IL1RAPL1: variants seen among roughly 807,000 people sequenced by gnomAD.
IL1RAPL1 encodes interleukin-1 receptor accessory protein-like 1.
IL1RAPL1 carries 3 observed loss-of-function variants against 48.4 expected under a neutral mutation model. The observed-to-expected ratio is 0.06, with a 90% confidence interval of 0.03 to 0.16. The LOEUF is 0.16. Ranked by LOEUF, IL1RAPL1 falls within the 10% of genes least tolerant of loss-of-function variation. IL1RAPL1 has a pLI of 1.00. For synonymous variants in IL1RAPL1, 185 were observed against 187.7 expected (o/e 0.99, Z 0.12); for missense variants, 349 against 530.6 (o/e 0.66, Z 3.36).
intron 1 of IL1RAPL1, among the ~76,000 whole-genome samples, chrX:28,741,943 A>C (rs1040693804): frequency 2.9e-4 from 32 of 111,604 alleles, no homozygotes; most frequent in African/African-American, 1.0e-3. Context: ...CTTCTTAAGC[A>C]GGGGATTTAT....
chrX:28,858,414 A>C (rs1333974754), intron 2 of IL1RAPL1, among the ~76,000 whole-genome samples: 1 of 111,917 alleles, frequency 8.9e-6, no homozygotes, highest in Non-Finnish European at 1.9e-5. Context: ...AGGAAGAGTC[A>C]GTGCAGCAGA....
intron 2 of IL1RAPL1, among the ~76,000 whole-genome samples, chrX:29,024,952 C>T (rs916360811): frequency 2.7e-5 from 3 of 111,247 alleles, no homozygotes; most frequent in Non-Finnish European, 5.7e-5. Context: ...TTAGTAGTCA[C>T]TCCTCATTTC....
chrX:28,715,456 A>G (rs937762534), intron 1 of IL1RAPL1, among the ~76,000 whole-genome samples: 2 of 112,146 alleles, frequency 1.8e-5, no homozygotes, highest in Non-Finnish European at 3.8e-5. Flanking sequence ...AAAGATCTCA[A>G]GTTAACAACC....
intron 6 of IL1RAPL1, among the ~76,000 whole-genome samples, chrX:29,904,055 C>A (rs1036668040): frequency 8.9e-6 from 1 of 112,293 alleles, no homozygotes; most frequent in Non-Finnish European, 1.9e-5. Context: ...AAAGGTCTCT[C>A]TTCTCCTTAA....
intron 3 of IL1RAPL1, among the ~76,000 whole-genome samples, chrX:29,395,368 G>A (rs1933908249): frequency 9.0e-6 from 1 of 111,616 alleles, no homozygotes; most frequent in Non-Finnish European, 1.9e-5. Flanking sequence ...CCAGCACCAT[G>A]CCTGACACAT....
At chrX:29,648,975 A>G (rs1245146791) in intron 5 of IL1RAPL1, among the ~76,000 whole-genome samples, 1 of 111,966 alleles carries the variant, frequency 8.9e-6, no homozygotes, top group Non-Finnish European at 1.9e-5. Context: ...ATAAGAGAGT[A>G]TTATGAACAA....
chrX:29,113,260 C>A (rs1464764882), intron 2 of IL1RAPL1, among the ~76,000 whole-genome samples: 6 of 112,138 alleles, frequency 5.4e-5, no homozygotes, highest in Non-Finnish European at 7.5e-5. Context: ...TCAGAAGCAT[C>A]TCTATCTACA....
chrX:29,903,709 A>G (rs183196231), intron 6 of IL1RAPL1, among the ~76,000 whole-genome samples: 10 of 111,774 alleles, frequency 8.9e-5, no homozygotes, highest in Non-Finnish European at 1.1e-4. Flanking sequence ...CCCTCAAATC[A>G]TGGCCTAGTT....
chrX:29,674,571 A>T (rs1026454506), intron 6 of IL1RAPL1, among the ~76,000 whole-genome samples: 6 of 112,271 alleles, frequency 5.3e-5, no homozygotes, highest in Middle Eastern at 4.6e-3. Flanking sequence ...GCACTTTTTT[A>T]AAAAAACTTT....
intron 6 of IL1RAPL1, among the ~76,000 whole-genome samples, chrX:29,740,122 GAAA>G (rs1172511347): frequency 0.11 from 5,680 of 52,214 alleles, 176 homozygotes; most frequent in Middle Eastern, 0.34. Context: ...CAAAAAAACA[GAAA>G]AAAAAAAAAA....
intron 5 of IL1RAPL1, among the ~76,000 whole-genome samples, chrX:29,643,393 G>A (rs565054311): frequency 6.3e-5 from 7 of 111,820 alleles, no homozygotes; most frequent in African/African-American, 2.3e-4. Context: ...TGAAAGCTGT[G>A]TTTGGCAGTG....
chrX:29,910,470 CAT>C (rs1324324915), intron 6 of IL1RAPL1, among the ~76,000 whole-genome samples: 1 of 111,225 alleles, frequency 9.0e-6, no homozygotes, highest in African/African-American at 3.3e-5. Context: ...TCTTGTTTAA[CAT>C]ATGTTTACTT....
intron 5 of IL1RAPL1, among the ~76,000 whole-genome samples, chrX:29,525,635 G>A (rs1348784630): frequency 8.9e-6 from 1 of 112,088 alleles, no homozygotes; most frequent in Non-Finnish European, 1.9e-5. Context: ...AGCCCCACAA[G>A]GAGGTTATTC....
intron 2 of IL1RAPL1, among the ~76,000 whole-genome samples, chrX:28,799,584 G>T (rs748818383): frequency 8.9e-6 from 1 of 111,906 alleles, no homozygotes; most frequent in Non-Finnish European, 1.9e-5. Flanking sequence ...AACTATGTAG[G>T]ATCATACATG....
chrX:28,891,670 T>A (rs936089416), intron 2 of IL1RAPL1, among the ~76,000 whole-genome samples: 12 of 112,608 alleles, frequency 1.1e-4, no homozygotes, highest in African/African-American at 3.5e-4. Context: ...ATTTATCCTT[T>A]CATCAGCTGG....
intron 1 of IL1RAPL1, among the ~76,000 whole-genome samples, chrX:28,787,869 C>T (rs1349150190): frequency 9.0e-6 from 1 of 111,407 alleles, no homozygotes; most frequent in Non-Finnish European, 1.9e-5. Flanking sequence ...CATAAGTTTA[C>T]AATATATTTG....
At chrX:28,676,456 G>A (rs186779033) in intron 1 of IL1RAPL1, among the ~76,000 whole-genome samples, 125 of 111,620 alleles carry the variant, frequency 1.1e-3, no homozygotes, top group Admixed American at 0.011. Flanking sequence ...TTTATGGCTG[G>A]GTGTGGTGGC....
At chrX:28,650,327 G>A (rs1467102551) in intron 1 of IL1RAPL1, among the ~76,000 whole-genome samples, 3 of 111,383 alleles carry the variant, frequency 2.7e-5, no homozygotes, top group Non-Finnish European at 5.7e-5. Flanking sequence ...CATGGCTGGG[G>A]AGGCCTCACA....
chrX:29,291,805 T>C (rs1276097915), intron 3 of IL1RAPL1, among the ~76,000 whole-genome samples: 1 of 112,589 alleles, frequency 8.9e-6, no homozygotes, highest in Non-Finnish European at 1.9e-5. Flanking sequence ...CTTCCATGTA[T>C]TAAGTTGTAA....
Sources: gnomAD v4.1 joint callset for allele counts (sites outside exome capture counted in the v4.1 genomes callset) on GRCh38, gnomAD v4.1.1 for gene constraint, MANE v1.5 for transcripts, NCBI Gene and HGNC (gene_info 2026-07-23, HGNC 2026-07-21) for gene names.